DMXL2: variants seen among roughly 807,000 people sequenced by gnomAD.
DMXL2 encodes the protein Dmx like 2, also known as dmX-like protein 2.
A neutral mutation model predicts 331.1 loss-of-function variants in DMXL2; 103 were observed. That is an observed-to-expected ratio of 0.31 (90% CI 0.27 to 0.37). The LOEUF (loss-of-function observed/expected upper bound fraction) is 0.37, where lower values mean the gene tolerates loss of function less well. DMXL2 is among the 10% of genes least tolerant of loss of function. The probability of loss-of-function intolerance (pLI) is 1.00; values close to 1 mark genes in which losing one functional copy is unlikely to be tolerated. For synonymous variants in DMXL2, 1,281 were observed against 1,252.1 expected, an observed-to-expected ratio of 1.02 and a Z score of -0.49; for missense variants, 3,171 against 3,642.9, an observed-to-expected ratio of 0.87 and a Z score of 3.33.
At chr15:51,530,243 AAAG>A (rs2047927278) in intron 13 of DMXL2, among the ~76,000 whole-genome samples, 1 of 152,130 alleles carries the variant, frequency 6.6e-6, no homozygotes, top group South Asian at 2.1e-4. Context: ...CAATCAGACA[AAAG>A]AAAGATATAA....
Position 51,478,196 on chromosome 15 carries a change from T to C in DMXL2, c.6833+75A>G, listed in dbSNP as rs191236113. The stretch of plus-strand genomic sequence containing the variant: ...TAGGGATTTTTCAGTCCCTAGGAAA[T>C]AGAAACTTAATATAACTCTGGAACA... On this transcript the variant is annotated intron_variant, in intron 26 of 43. Coordinates refer to ENST00000560891, the MANE Select transcript of DMXL2 (RefSeq NM_001378457.1). The C allele has an allele frequency of 9.4e-4, 1,170 of 1,248,662 alleles. 2 individuals carry two copies. Among genetic ancestry groups the C allele is most frequent in the Non-Finnish European group, 1.2e-3 (1,023 of 882,714 alleles). 77.3% of individuals were successfully genotyped at this position (1,248,662 alleles called of 1,614,324 possible). A position where few individuals can be genotyped will look rare whatever the true frequency, so the allele number is the denominator to read the frequency against.
intron 14 of DMXL2, among the ~76,000 whole-genome samples, chr15:51,515,560 A>G (rs1196804695): frequency 1.3e-5 from 2 of 152,200 alleles, no homozygotes; most frequent in Admixed American, 6.5e-5. Context: ...GGGACAAACA[A>G]TAGATGAAAG....
At chr15:51,524,733 C>T (rs1257932715) in intron 13 of DMXL2, among the ~76,000 whole-genome samples, 1 of 152,172 alleles carries the variant, frequency 6.6e-6, no homozygotes, top group East Asian at 1.9e-4. Flanking sequence ...CTGATCCTAT[C>T]TGTCTGAGCT....
At chr15:51,479,370 C>G (rs1325318926) in intron 25 of DMXL2, among the ~76,000 whole-genome samples, 1 of 152,184 alleles carries the variant, frequency 6.6e-6, no homozygotes, top group Non-Finnish European at 1.5e-5. Context: ...AAAGTCTGAT[C>G]AGCTAGCTCC....
At position 51,595,486 on chromosome 15, in the gene DMXL2, G is replaced by C. The variant is rs1882413511; in HGVS notation, c.88-19305C>G. On this transcript the variant is annotated intron_variant, in intron 1 of 43. Transcript: ENST00000560891. ...AGGAAGAATCAATATCGTGAAAATG[G>C]CCATACTGCCCAAGGTAATTTATAG... Among the ~76,000 whole-genome samples, 6 of 152,258 alleles carry C rather than the reference G, an allele frequency of 3.9e-5. No individual in the cohort carries two copies. In the South Asian group the frequency reaches 1.2e-3, roughly 32 times the overall value.
chr15:51,467,883 C>T lies in DMXL2; in HGVS notation c.7393-1572G>A, dbSNP rs1042579607. Among the ~76,000 whole-genome samples, 7 of 152,176 alleles carry T rather than the reference C, an allele frequency of 4.6e-5. No homozygotes were observed. In the East Asian group the frequency reaches 1.4e-3, roughly 29 times the overall value. ...CTGGGACTACAGGCACCTGCCACCA[C>T]GCCCGGCTAATTTTTTGTATTTTTA... On this transcript the variant is annotated intron_variant, in intron 29 of 43. Transcript: ENST00000560891.
intron 1 of DMXL2, among the ~76,000 whole-genome samples, chr15:51,606,375 T>C (rs558954592): frequency 9.9e-5 from 15 of 152,260 alleles, no homozygotes; most frequent in African/African-American, 3.6e-4. Context: ...TTCGTATTTT[T>C]AGTAGAGACA....
chr15:51,500,349 A>C (rs2043499206), intron 17 of DMXL2, 118 bp from the exon 18 acceptor site: 1 of 1,040,814 alleles, frequency 9.6e-7, no homozygotes, highest in Non-Finnish European at 1.4e-6. Context: ...TCTTCAGAAT[A>C]TCTCTGCAGT....
rs2052595674 is a variant in DMXL2, at chr15:51,593,986, TA to T, written c.88-17806del. On this transcript the variant is annotated intron_variant, in intron 1 of 43. Transcript: ENST00000560891. ...CAGGAAAGATCTAAAACTGACACCC[TA>T]ACATCACAATTAAAAGAACTAGAGA... 2.0e-5 allele frequency among the ~76,000 whole-genome samples: 3 copies of T among 152,020 alleles called. No homozygotes were observed. In the South Asian group the frequency reaches 6.2e-4, roughly 32 times the overall value.
At chr15:51,593,736 A>C (rs938696669) in intron 1 of DMXL2, among the ~76,000 whole-genome samples, 1 of 152,236 alleles carries the variant, frequency 6.6e-6, no homozygotes, top group African/African-American at 2.4e-5. Flanking sequence ...CAGTGCAATC[A>C]AACTAGAACT....
intron 2 of DMXL2, among the ~76,000 whole-genome samples, chr15:51,575,641 C>T (rs1359875807): frequency 6.6e-6 from 1 of 152,094 alleles, no homozygotes; most frequent in Non-Finnish European, 1.5e-5. Context: ...AAAGCACTTC[C>T]TATATGACAA....
In DMXL2 at chr15:51,568,475, G is replaced by C. The variant is rs779533784; in HGVS notation, c.285+12C>G. 1.5e-5 allele frequency: 22 copies of C among 1,473,440 alleles called. No homozygotes were observed. Among genetic ancestry groups the C allele is most frequent in the Non-Finnish European group, 2.0e-5 (22 of 1,082,864 alleles). The allele number at this position is 1,473,440 out of a possible 1,614,324, so 91.3% of individuals were successfully genotyped here. ...AGATTCTAAAAGTATTCTATTATTG[G>C]TTAATACTTACACAATTTCTTTTAT... On this transcript the variant is annotated intron_variant, in intron 3 of 43. Transcript: ENST00000560891.
intron 23 of DMXL2, among the ~76,000 whole-genome samples, chr15:51,483,518 T>C (rs184729112): frequency 6.6e-6 from 1 of 152,284 alleles, no homozygotes; most frequent in Admixed American, 6.5e-5. Flanking sequence ...GAACCTGCCC[T>C]TGAGCCAGCC....
chr15:51,475,762 A>G (rs944279203), intron 27 of DMXL2, among the ~76,000 whole-genome samples: 3 of 152,236 alleles, frequency 2.0e-5, no homozygotes, highest in African/African-American at 7.2e-5. Context: ...TAAATGTTAA[A>G]TTGGATAATT....
chr15:51,582,726 C>T (rs1485040230), intron 1 of DMXL2, among the ~76,000 whole-genome samples: 3 of 152,070 alleles, frequency 2.0e-5, no homozygotes, highest in African/African-American at 4.8e-5. Context: ...TCACAAGTCA[C>T]ATATACATTG....
chr15:51,546,976 C>T (rs2140940975), intron 7 of DMXL2, among the ~76,000 whole-genome samples: 2 of 152,200 alleles, frequency 1.3e-5, no homozygotes, highest in South Asian at 4.2e-4. Context: ...CCACAAACTA[C>T]ATTTTAGTTT....
chr15:51,471,119 T>C lies in DMXL2; in HGVS notation c.7392+104A>G. On this transcript the variant is annotated intron_variant, in intron 29 of 43. Coordinates refer to ENST00000560891, the MANE Select transcript of DMXL2 (RefSeq NM_001378457.1). The stretch of plus-strand genomic sequence containing the variant: ...AAATTAAACGTCTAAACTATGGTGA[T>C]TCAATCCAAAAGCTACCCCATCATT... 3.6e-6 allele frequency: 4 copies of C among 1,116,070 alleles called. No homozygotes were observed. The East Asian group carries it at 7.2e-5, about 20-fold the overall frequency. The allele number at this position is 1,116,070 out of a possible 1,614,324, so 69.1% of individuals were successfully genotyped here.
chr15:51,540,547 T>C (rs2048534854), intron 9 of DMXL2, among the ~76,000 whole-genome samples: 1 of 151,950 alleles, frequency 6.6e-6, no homozygotes, highest in Non-Finnish European at 1.5e-5. Context: ...AAAGAATAAA[T>C]GACAAGATGT....
At chr15:51,509,662 T>C (rs1278819573) in intron 15 of DMXL2, among the ~76,000 whole-genome samples, 1 of 152,180 alleles carries the variant, frequency 6.6e-6, no homozygotes, top group Non-Finnish European at 1.5e-5. Flanking sequence ...TCTGAAACTA[T>C]TCCAATCAAT....
Sources: allele counts gnomAD v4.1 joint callset (sites outside exome capture counted in the v4.1 genomes callset), GRCh38; gene constraint gnomAD v4.1.1; transcripts MANE v1.5; gene names NCBI Gene and HGNC (gene_info 2026-07-23, HGNC 2026-07-21).